ABCC5: variants seen among roughly 807,000 people sequenced by gnomAD.
The protein encoded by ABCC5 is ATP-binding cassette sub-family C member 5.
In ABCC5, 61 loss-of-function variants were observed where a neutral mutation model predicts 160.9. That is an observed-to-expected ratio of 0.38 (90% CI 0.31 to 0.47). The LOEUF is 0.47. ABCC5 is among the 20% of genes least tolerant of loss of function. The pLI is 0.99. For missense variants in ABCC5, 1,308 were observed against 1,813.3 expected (o/e 0.72, Z 5.06); for synonymous variants, 666 against 700.6 (o/e 0.95, Z 0.78).
intron 25 of ABCC5, among the ~76,000 whole-genome samples, chr3:183,942,074 C>G (rs1714411271): frequency 6.6e-6 from 1 of 151,664 alleles, no homozygotes; most frequent in African/African-American, 2.4e-5. Flanking sequence ...GAGTCTCGCT[C>G]TGTCACCCAG....
At chr3:184,013,356 A>G (rs138850912) in intron 2 of ABCC5, among the ~76,000 whole-genome samples, 1 of 152,164 alleles carries the variant, frequency 6.6e-6, no homozygotes, top group Non-Finnish European at 1.5e-5. Flanking sequence ...CCTGGATTCA[A>G]GCAATTCTCC....
intron 29 of ABCC5, 96 bp downstream of exon 29, chr3:183,925,459 G>T: frequency 1.5e-6 from 2 of 1,350,050 alleles, no homozygotes; most frequent in Non-Finnish European, 2.1e-6. Context: ...TTATCTGAAT[G>T]CCCAGAACCC....
intron 5 of ABCC5, chr3:183,983,643 G>A (rs1185651678): frequency 2.9e-6 from 2 of 687,718 alleles, no homozygotes; most frequent in African/African-American, 3.9e-5. Context: ...GCAGAGGGAA[G>A]GCGGCCAGCC....
chr3:183,997,647 T>C (rs1057479059), intron 2 of ABCC5, among the ~76,000 whole-genome samples: 2 of 152,216 alleles, frequency 1.3e-5, no homozygotes, highest in African/African-American at 4.8e-5. Context: ...GCACCCAGTA[T>C]TCAAACGTCA....
At chr3:183,986,446 A>T (rs1719223074) in intron 5 of ABCC5, 1 of 152,210 alleles carries the variant, frequency 6.6e-6, no homozygotes, top group Non-Finnish European at 1.5e-5. Context: ...ACCATAAATG[A>T]GAGAATAAGG....
chr3:183,957,856 A>G (rs1293373667), intron 17 of ABCC5, among the ~76,000 whole-genome samples: 12 of 137,542 alleles, frequency 8.7e-5, no homozygotes, highest in Non-Finnish European at 1.8e-4. Context: ...CCGTGTGTAT[A>G]TCACATCTGT....
intron 12 of ABCC5, among the ~76,000 whole-genome samples, chr3:183,966,409 A>G (rs1286292070): frequency 2.0e-5 from 3 of 152,168 alleles, no homozygotes; most frequent in East Asian, 3.8e-4. Context: ...AACAGATGTA[A>G]ACTACAGTTA....
rs3749438 is a variant in ABCC5, at chr3:183,987,396, G to A, written c.591+374C>T. 0.36 allele frequency: 170,804 copies of A among 469,754 alleles called. 31,859 individuals carry two copies. Among genetic ancestry groups the A allele is most frequent in the East Asian group, 0.47 (14,106 of 29,728 alleles). The allele number at this position is 469,754 out of a possible 1,614,324, so 29.1% of individuals were successfully genotyped here. On this transcript the variant is annotated intron_variant, in intron 5 of 29. Coordinates refer to ENST00000334444, the MANE Select transcript of ABCC5 (RefSeq NM_005688.4). The surrounding 1 kb of genome is among the most constrained non-coding windows in gnomAD (Gnocchi z 4.2). ...GCCTCCAGGCACTTGGTATGTTCCC[G>A]GTGCTGGCTCACCAGCCCGGGCCAC...
In ABCC5 at chr3:183,971,822, G is replaced by C; in HGVS notation, c.1502C>G (p.Ser501Cys). The C allele has an allele frequency of 6.2e-7, 1 of 1,614,086 alleles. No homozygotes were observed. Among genetic ancestry groups the C allele is most frequent in the Non-Finnish European group, 8.5e-7 (1 of 1,180,038 alleles). The change falls in exon 11 of 30, where the codon TCC becomes TGC. Residue 501 changes from serine to cysteine, a missense_variant. Ser to Cys is a moderately radical substitution (Grantham distance 112). Transcript: ENST00000334444. ...EMKNATLAWD[S>C]SHSSIQNSPK... ...CGAGTTCTGGATACTGGAGTGGGAG[G>C]AGTCCCATGCCAAGGTGGCATTTTT...
At position 183,959,762 on chromosome 3, in the gene ABCC5, T is replaced by C. The variant is rs747179537; in HGVS notation, c.2453A>G (p.Lys818Arg). ...QDKGPKTGSV[K>R]KEKAVKPEEG... ...CTCTGGCTTTACTGCTTTTTCCTTCTTTACTGATCCTGTTTTAGGACCCTT... is the reference window on the plus strand; with the variant it reads ...CTCTGGCTTTACTGCTTTTTCCTTCCTTACTGATCCTGTTTTAGGACCCTT... Residue 818 changes from lysine to arginine, a missense_variant, in exon 17 of 30, where the codon AAG (lysine) becomes AGG (arginine). Physicochemically the swap from Lys to Arg is conservative, Grantham distance 26 (BLOSUM62 2). Coordinates refer to ENST00000334444, the MANE Select transcript of ABCC5 (RefSeq NM_005688.4). 3 of 1,612,260 alleles carry C rather than the reference T, an allele frequency of 1.9e-6. No individual in the cohort carries two copies. Among genetic ancestry groups the C allele is most frequent in the African/African-American group, 1.3e-5 (1 of 74,946 alleles).
At chr3:183,965,137 A>G in intron 14 of ABCC5, 48 bp downstream of exon 14, 1 of 1,597,914 alleles carries the variant, frequency 6.3e-7, no homozygotes, top group South Asian at 1.1e-5. Flanking sequence ...GCTCTGGCCC[A>G]GCTCTGCCAC....
At chr3:183,984,472 C>A in intron 5 of ABCC5, 1 of 1,047,166 alleles carries the variant, frequency 9.5e-7, no homozygotes, top group Non-Finnish European at 1.2e-6. Context: ...CTGGAGGTAG[C>A]TACGCTGAAT....
At chr3:184,011,857 G>C (rs1214215048) in intron 2 of ABCC5, among the ~76,000 whole-genome samples, 1 of 152,142 alleles carries the variant, frequency 6.6e-6, no homozygotes, top group Non-Finnish European at 1.5e-5. Flanking sequence ...CAAAATTACA[G>C]AAATGGAGAA....
chr3:184,007,013 C>G (rs1721268223), intron 2 of ABCC5, among the ~76,000 whole-genome samples: 1 of 131,236 alleles, frequency 7.6e-6, no homozygotes, highest in African/African-American at 3.0e-5. Flanking sequence ...TAGTTTACTT[C>G]TGCTTTTTTT....
intron 8 of ABCC5, among the ~76,000 whole-genome samples, chr3:183,981,339 A>G (rs190986348): frequency 2.4e-4 from 36 of 152,206 alleles, no homozygotes; most frequent in Admixed American, 7.9e-4. Context: ...TTCCCGTGAA[A>G]CCACAGAGTA....
chr3:183,975,723 A>T (rs1485564406), intron 10 of ABCC5, among the ~76,000 whole-genome samples: 1 of 152,070 alleles, frequency 6.6e-6, no homozygotes, highest in East Asian at 1.9e-4. Context: ...CCACCAAGAG[A>T]AGTAAGATAG....
chr3:184,007,912 T>G (rs528271780), intron 2 of ABCC5, among the ~76,000 whole-genome samples: 1 of 152,348 alleles, frequency 6.6e-6, no homozygotes, highest in South Asian at 2.1e-4. Context: ...CTTCACACAT[T>G]TGATGCTCAA....
intron 28 of ABCC5, among the ~76,000 whole-genome samples, chr3:183,926,000 A>G (rs113040600): frequency 8.5e-4 from 128 of 150,418 alleles, no homozygotes; most frequent in African/African-American, 2.9e-3. Flanking sequence ...CACCACGCCC[A>G]GCTAATTTTT....
At position 183,949,687 on chromosome 3, in the gene ABCC5, C is replaced by T. The variant is rs1029157352; in HGVS notation, c.3227+66G>A. On this transcript the variant is annotated intron_variant, in intron 22 of 29. Coordinates refer to ENST00000334444, the MANE Select transcript of ABCC5 (RefSeq NM_005688.4). This position sits in a 1 kb window ranked among gnomAD's most constrained non-coding sequence, Gnocchi z 4.2. ...CCATCTCTGGCCTTGAAGAGCCTCCCGGACAAGTATCAAACGCTGGGATGC... is the reference window on the plus strand; with the variant it reads ...CCATCTCTGGCCTTGAAGAGCCTCCTGGACAAGTATCAAACGCTGGGATGC... The T allele has an allele frequency of 1.4e-5, 22 of 1,579,962 alleles. No individual in the cohort carries two copies. The highest frequency in any genetic ancestry group is 1.8e-5 in the Admixed American group (1 of 56,268).
Sources: allele counts gnomAD v4.1 joint callset (sites outside exome capture counted in the v4.1 genomes callset), GRCh38; gene constraint gnomAD v4.1.1; non-coding constraint Gnocchi (gnomAD v3.1); transcripts MANE v1.5; gene names NCBI Gene and HGNC (gene_info 2026-07-23, HGNC 2026-07-21).